The following PPP6R3 variants were observed in gnomAD, a reference collection of about 807,000 sequenced individuals.
PPP6R3 encodes protein phosphatase 6 regulatory subunit 3.
In PPP6R3, 38 loss-of-function variants were observed where a neutral mutation model predicts 110.7. The observed-to-expected ratio is 0.34, with a 90% CI of 0.26 to 0.45. The LOEUF is 0.45. Ranked by LOEUF, PPP6R3 falls within the 20% of genes least tolerant of loss-of-function variation. The pLI, the probability that PPP6R3 is intolerant of heterozygous loss-of-function variation, is 1.00. For missense variants in PPP6R3, 870 were observed against 1,062.4 expected (o/e 0.82, Z 2.52); for synonymous variants, 369 against 373.5 (o/e 0.99, Z 0.14).
At chr11:68,466,289 T>C (rs2098744708) in intron 1 of PPP6R3, among the ~76,000 whole-genome samples, 1 of 152,222 alleles carries the variant, frequency 6.6e-6, no homozygotes, top group South Asian at 2.1e-4. Flanking sequence ...GTTAGATCAA[T>C]ACTCAGTTTA....
chr11:68,503,068 C>T (rs181646433), intron 1 of PPP6R3, among the ~76,000 whole-genome samples: 5 of 152,196 alleles, frequency 3.3e-5, no homozygotes, highest in African/African-American at 4.8e-5. Flanking sequence ...CTCAGCCTCC[C>T]GAGTACCTGG....
chr11:68,471,077 T>C (rs1329086946), intron 1 of PPP6R3, among the ~76,000 whole-genome samples: 1 of 151,396 alleles, frequency 6.6e-6, no homozygotes, highest in Non-Finnish European at 1.5e-5. Context: ...GGTCAGGAGA[T>C]GAGACCATCC....
Position 68,463,355 on chromosome 11 carries a change from G to GAAA in PPP6R3, c.-158+2548_-158+2550dup, listed in dbSNP as rs1156285158. Among the ~76,000 whole-genome samples, 121 of 54,464 alleles carry GAAA rather than the reference G, an allele frequency of 2.2e-3. 5 individuals carry two copies. The highest frequency in any genetic ancestry group is 0.024 in the Middle Eastern group (2 of 84). 35.7% of individuals were successfully genotyped at this position (54,464 alleles called of 152,430 possible). Reference sequence around the variant, plus strand: ...GGAGACAGAGCGAGACTCAGTCTCAGAAAAAAAAAAAAAAAAAAAAAAGAT... The same window carrying GAAA: ...GGAGACAGAGCGAGACTCAGTCTCAGAAAAAAAAAAAAAAAAAAAAAAAAAGAT... On this transcript the variant is annotated intron_variant, in intron 1 of 23. Transcript: ENST00000393800.
intron 10 of PPP6R3, among the ~76,000 whole-genome samples, chr11:68,567,666 T>A (rs1326864089): frequency 6.6e-6 from 1 of 152,194 alleles, no homozygotes; most frequent in African/African-American, 2.4e-5. Context: ...CCCTGACCCC[T>A]GAATTCCCCA....
chr11:68,537,573 A>G, intron 2 of PPP6R3, 86 bp from the exon 3 acceptor site: 3 of 914,542 alleles, frequency 3.3e-6, no homozygotes, highest in Non-Finnish European at 4.9e-6. Context: ...GGCATTTTAG[A>G]TTGTAAAACT....
chr11:68,527,764 G>A (rs961331385), intron 2 of PPP6R3, among the ~76,000 whole-genome samples: 1 of 152,190 alleles, frequency 6.6e-6, no homozygotes, highest in Admixed American at 6.5e-5. Context: ...AGCCCTTTGT[G>A]GTCTGGCCTT....
At chr11:68,595,330 C>G (rs914567689) in intron 18 of PPP6R3, among the ~76,000 whole-genome samples, 2 of 148,922 alleles carry the variant, frequency 1.3e-5, no homozygotes, top group African/African-American at 2.5e-5. Context: ...ATTCTCCTGC[C>G]TCAGCCTCTG....
intron 19 of PPP6R3, among the ~76,000 whole-genome samples, chr11:68,599,441 C>G (rs562585851): frequency 1.4e-4 from 21 of 152,304 alleles, no homozygotes; most frequent in African/African-American, 5.1e-4. Flanking sequence ...TAAGTGTGCT[C>G]AAGCAAGTCC....
chr11:68,526,638 G>T lies in PPP6R3; in HGVS notation c.-7+6987G>T, dbSNP rs564628007. ...ATCTGGAACCAGCTGGGTGTTCCTT[G>T]CCTCTCCTCGGTTTCCTTCATCTCT... is the stretch of plus-strand genomic sequence containing the variant. On this transcript the variant is annotated intron_variant, in intron 2 of 23. Coordinates refer to ENST00000393800, the MANE Select transcript of PPP6R3 (RefSeq NM_001164161.2). Among the ~76,000 whole-genome samples, 6 of 152,224 alleles carry T rather than the reference G, an allele frequency of 3.9e-5. No homozygotes were observed. The East Asian group carries it at 1.2e-3, about 29-fold the overall frequency.
At chr11:68,599,433 A>G (rs1393360487) in intron 19 of PPP6R3, among the ~76,000 whole-genome samples, 1 of 152,222 alleles carries the variant, frequency 6.6e-6, no homozygotes, top group Non-Finnish European at 1.5e-5. Flanking sequence ...ACAGACCGTA[A>G]GTGTGCTCAA....
intron 2 of PPP6R3, among the ~76,000 whole-genome samples, chr11:68,522,219 C>G (rs1367146533): frequency 2.0e-5 from 3 of 152,304 alleles, no homozygotes; most frequent in Non-Finnish European, 2.9e-5. Flanking sequence ...TGGAGATTGC[C>G]TTTGCCTTTG....
chr11:68,573,155 A>AT (rs531330466), intron 12 of PPP6R3, among the ~76,000 whole-genome samples: 151 of 29,520 alleles, frequency 5.1e-3, no homozygotes, highest in Non-Finnish European at 6.4e-3. Flanking sequence ...TATATATATA[A>AT]TTTTTTTTTT....
intron 1 of PPP6R3, among the ~76,000 whole-genome samples, chr11:68,514,647 T>C (rs1369117724): frequency 2.0e-5 from 3 of 151,768 alleles, no homozygotes; most frequent in African/African-American, 7.3e-5. Context: ...TACAGTGGTG[T>C]GATCTCGGCT....
At chr11:68,563,045 T>C (rs1002831341) in intron 8 of PPP6R3, among the ~76,000 whole-genome samples, 1 of 150,382 alleles carries the variant, frequency 6.6e-6, no homozygotes, top group South Asian at 2.1e-4. Context: ...TGGTGGCTCA[T>C]GCCTAGCACT....
chr11:68,561,123 G>C (rs2099417838), intron 8 of PPP6R3, among the ~76,000 whole-genome samples: 1 of 152,020 alleles, frequency 6.6e-6, no homozygotes, highest in Non-Finnish European at 1.5e-5. Context: ...TCCTGACCTT[G>C]TGATCCACCC....
chr11:68,490,419 G>C (rs1374735800), intron 1 of PPP6R3, among the ~76,000 whole-genome samples: 1 of 151,500 alleles, frequency 6.6e-6, no homozygotes, highest in African/African-American at 2.4e-5. Flanking sequence ...TTTTTTTTTG[G>C]TGGGGGGTAA....
chr11:68,501,872 C>T (rs2099050591), intron 1 of PPP6R3, among the ~76,000 whole-genome samples: 1 of 152,160 alleles, frequency 6.6e-6, no homozygotes, highest in South Asian at 2.1e-4. Flanking sequence ...TACAGTAAGT[C>T]CTCACTTAAC....
At chr11:68,476,056 G>A (rs1314815629) in intron 1 of PPP6R3, among the ~76,000 whole-genome samples, 1 of 152,110 alleles carries the variant, frequency 6.6e-6, no homozygotes. Flanking sequence ...CTTCCCAGAC[G>A]GGGTGGCGGC....
chr11:68,497,443 C>T (rs1290255669), intron 1 of PPP6R3, among the ~76,000 whole-genome samples: 1 of 152,098 alleles, frequency 6.6e-6, no homozygotes, highest in Non-Finnish European at 1.5e-5. Context: ...GCCTCGACTT[C>T]GTGGGCTCAG....
Sources: gnomAD v4.1 joint callset for allele counts (sites outside exome capture counted in the v4.1 genomes callset) on GRCh38, gnomAD v4.1.1 for gene constraint, MANE v1.5 for transcripts, NCBI Gene and HGNC (gene_info 2026-07-23, HGNC 2026-07-21) for gene names.